Variants in CEP112 observed in about 807,000 individuals in gnomAD.
CEP112 encodes centrosomal protein 112, also known as centrosomal protein of 112 kDa.
A neutral mutation model predicts 153.0 loss-of-function variants in CEP112; 127 were observed. The observed-to-expected ratio is 0.83, with a 90% confidence interval of 0.72 to 0.96. The LOEUF is 0.96. Among genes scored for constraint, CEP112 ranks in the 40% least tolerant of loss-of-function variants. CEP112 has a pLI of 0.00. For synonymous variants in CEP112, 358 were observed against 374.4 expected (o/e 0.96, Z 0.51); for missense variants, 1,089 against 1,101.2 (o/e 0.99, Z 0.16).
intron 8 of CEP112, among the ~76,000 whole-genome samples, chr17:66,094,759 G>A (rs138955689): frequency 1.6e-4 from 25 of 152,032 alleles, no homozygotes; most frequent in Middle Eastern, 3.4e-3. Flanking sequence ...TCTAATAAGG[G>A]GTTAACATCC....
At chr17:66,090,322 T>A (rs889928526) in intron 8 of CEP112, among the ~76,000 whole-genome samples, 1 of 151,982 alleles carries the variant, frequency 6.6e-6, no homozygotes, top group South Asian at 2.1e-4. Flanking sequence ...ATGACTTATA[T>A]CTTTAGTATG....
chr17:66,008,156 TA>T (rs2064353506), intron 16 of CEP112, among the ~76,000 whole-genome samples: 1 of 152,174 alleles, frequency 6.6e-6, no homozygotes, highest in Admixed American at 6.6e-5. Flanking sequence ...ACAAATCGTA[TA>T]TACATATGTG....
In CEP112 at chr17:66,028,501, AG is replaced by A. The variant is rs1165437655; in HGVS notation, c.1504-97del. 28 of 532,926 alleles carry A rather than the reference AG, an allele frequency of 5.3e-5. 1 individual carries two copies. Among genetic ancestry groups the A allele is most frequent in the Non-Finnish European group, 8.8e-5 (27 of 308,252 alleles). 33.0% of individuals were successfully genotyped at this position (532,926 alleles called of 1,614,324 possible). ...AAAATATGCCTTTTGTACCCCTGAAAGTCCAATCAGAATTAAAATTATCTAG... is the reference window on the plus strand; with the variant it reads ...AAAATATGCCTTTTGTACCCCTGAAATCCAATCAGAATTAAAATTATCTAG... On this transcript the variant is annotated intron_variant, in intron 14 of 26. Transcript: ENST00000535342.
chr17:65,750,898 GCA>G, intron 21 of CEP112, 174 bp from the exon 22 acceptor site: 15 of 363,582 alleles, frequency 4.1e-5, no homozygotes, highest in South Asian at 3.4e-4. Context: ...CACTTAAAAA[GCA>G]AAAAAAAAAA....
chr17:65,817,442 T>C (rs2145966374), intron 21 of CEP112, among the ~76,000 whole-genome samples: 1 of 152,038 alleles, frequency 6.6e-6, no homozygotes, highest in South Asian at 2.1e-4. Flanking sequence ...TCTTCTTTCC[T>C]TCTTGCAAGA....
chr17:65,699,122 G>T (rs1234285942), intron 23 of CEP112, among the ~76,000 whole-genome samples: 1 of 152,070 alleles, frequency 6.6e-6, no homozygotes, highest in African/African-American at 2.4e-5. Flanking sequence ...CATATTTATA[G>T]ATCTCTTCCT....
intron 22 of CEP112, among the ~76,000 whole-genome samples, chr17:65,746,057 A>AG (rs1220049967): frequency 6.8e-6 from 1 of 146,632 alleles, no homozygotes; most frequent in African/African-American, 2.5e-5. Context: ...CCCAGCTACT[A>AG]GGGAGGCTGA....
intron 26 of CEP112, among the ~76,000 whole-genome samples, chr17:65,636,400 G>A (rs2044770881): frequency 6.6e-6 from 1 of 152,156 alleles, no homozygotes; most frequent in African/African-American, 2.4e-5. Context: ...TTCTGGTCTG[G>A]AGAACAATGC....
chr17:66,149,868 GTTTTTTTT>G (rs1198335741), intron 4 of CEP112, among the ~76,000 whole-genome samples: 4 of 79,550 alleles, frequency 5.0e-5, no homozygotes, highest in Non-Finnish European at 1.0e-4. Flanking sequence ...TAAATTTAGG[GTTTTTTTT>G]TTTGTTTGTT....
At chr17:66,092,900 T>C (rs927072066) in intron 8 of CEP112, among the ~76,000 whole-genome samples, 1 of 152,178 alleles carries the variant, frequency 6.6e-6, no homozygotes, top group African/African-American at 2.4e-5. Context: ...AAAAACCCAT[T>C]GATAACAATA....
intron 19 of CEP112, among the ~76,000 whole-genome samples, chr17:65,917,369 A>T (rs1433652658): frequency 2.0e-5 from 3 of 152,194 alleles, no homozygotes; most frequent in Non-Finnish European, 4.4e-5. Context: ...TACTGGATGT[A>T]CCATAAATCA....
chr17:65,812,783 ATTG>A (rs1385109409), intron 21 of CEP112, among the ~76,000 whole-genome samples: 1 of 152,238 alleles, frequency 6.6e-6, no homozygotes, highest in Non-Finnish European at 1.5e-5. Context: ...ACTTTCAAGC[ATTG>A]TTGTTTAAAC....
intron 21 of CEP112, among the ~76,000 whole-genome samples, chr17:65,807,290 C>T (rs1277466927): frequency 6.6e-6 from 1 of 152,168 alleles, no homozygotes; most frequent in African/African-American, 2.4e-5. Context: ...AAAGTGTATG[C>T]TCATATGCAT....
intron 8 of CEP112, among the ~76,000 whole-genome samples, chr17:66,085,806 G>A (rs764664721): frequency 7.2e-5 from 11 of 151,854 alleles, no homozygotes; most frequent in Admixed American, 1.3e-4. Context: ...GTGAAACCCC[G>A]TCTCTACTAA....
intron 23 of CEP112, among the ~76,000 whole-genome samples, chr17:65,717,588 A>T (rs182762284): frequency 6.6e-6 from 1 of 152,312 alleles, no homozygotes; most frequent in African/African-American, 2.4e-5. Context: ...TTGACACTTG[A>T]ACACGAAGTT....
At chr17:65,966,322 A>G (rs1439992049) in intron 17 of CEP112, among the ~76,000 whole-genome samples, 1 of 152,252 alleles carries the variant, frequency 6.6e-6, no homozygotes, top group African/African-American at 2.4e-5. Context: ...AATGGATGAC[A>G]GTTTAGTATT....
intron 19 of CEP112, among the ~76,000 whole-genome samples, chr17:65,910,961 AG>A (rs2060261681): frequency 6.6e-6 from 1 of 152,220 alleles, no homozygotes. Context: ...TGACCAGAGA[AG>A]CTGTTTAAGA....
chr17:65,721,035 G>A (rs572456659), intron 23 of CEP112, among the ~76,000 whole-genome samples: 8 of 141,602 alleles, frequency 5.6e-5, no homozygotes, highest in South Asian at 4.5e-4. Context: ...TTTTTGAGAC[G>A]GAGTCTCGCT....
chr17:65,811,836 C>T (rs1421353503), intron 21 of CEP112, among the ~76,000 whole-genome samples: 5 of 152,096 alleles, frequency 3.3e-5, no homozygotes, highest in Non-Finnish European at 4.4e-5. Context: ...ACTAAAGAGC[C>T]TGGCTTTTCT....
Sources: allele counts gnomAD v4.1 joint callset (sites outside exome capture counted in the v4.1 genomes callset), GRCh38; gene constraint gnomAD v4.1.1; transcripts MANE v1.5; gene names NCBI Gene and HGNC (gene_info 2026-07-23, HGNC 2026-07-21).